Variants in PCDHGA5 observed in about 807,000 individuals in gnomAD.
PCDHGA5 encodes the protein protocadherin gamma subfamily A, 5.
PCDHGA5 carries 36 observed loss-of-function variants against 56.7 expected under a neutral mutation model. That is an observed-to-expected ratio of 0.64 (90% confidence interval 0.49 to 0.84). PCDHGA5 has a LOEUF of 0.84. PCDHGA5 is among the 40% of genes least tolerant of loss of function. PCDHGA5 has a pLI of 0.00. For synonymous variants in PCDHGA5, 563 were observed against 520.2 expected (o/e 1.08, Z -1.12); for missense variants, 1,305 against 1,201.5 (o/e 1.09, Z -1.27).
Position 141,415,348 on chromosome 5 carries a change from A to G in PCDHGA5, c.2421+48597A>G, listed in dbSNP as rs561851810. ...GGCGCACAGGCTGCGGCGCTGGCAC[A>G]AGTCACGCCTGCTGCAGGCTTCAGG... On this transcript the variant is annotated intron_variant, in intron 1 of 3. Transcript: ENST00000518069. The G allele has an allele frequency of 3.1e-6, 5 of 1,614,222 alleles. 1 individual carries two copies. The highest frequency in any genetic ancestry group is 1.6e-4 in the Middle Eastern group (1 of 6,062).
At chr5:141,424,945 C>A (rs2096849463) in intron 1 of PCDHGA5, among the ~76,000 whole-genome samples, 1 of 152,186 alleles carries the variant, frequency 6.6e-6, no homozygotes, top group Admixed American at 6.5e-5. Flanking sequence ...TCTCACATCA[C>A]TTCTAGGTAT....
At chr5:141,433,204 C>A in intron 1 of PCDHGA5, 1 of 1,566,946 alleles carries the variant, frequency 6.4e-7, no homozygotes, top group Non-Finnish European at 8.6e-7. Flanking sequence ...ATCAAATCTT[C>A]TTTCTTTTTT....
At chr5:141,419,770 G>C in intron 1 of PCDHGA5, 1 of 1,614,006 alleles carries the variant, frequency 6.2e-7, no homozygotes, top group Non-Finnish European at 8.5e-7. Context: ...ACAAGGACTC[G>C]GTCCGCCAGC....
chr5:141,478,118 G>A (rs1266841885), intron 1 of PCDHGA5: 1 of 1,613,930 alleles, frequency 6.2e-7, no homozygotes, highest in East Asian at 2.2e-5. Context: ...GTCAGTAACC[G>A]AGGACTCTCC....
At chr5:141,373,974 C>G in intron 1 of PCDHGA5, 2 of 1,051,508 alleles carry the variant, frequency 1.9e-6, no homozygotes, top group Non-Finnish European at 2.6e-6. Flanking sequence ...CGCTTCGCAT[C>G]CGGTCTCTGC....
chr5:141,448,190 C>T (rs1426828578), intron 1 of PCDHGA5, among the ~76,000 whole-genome samples: 1 of 152,118 alleles, frequency 6.6e-6, no homozygotes, highest in Non-Finnish European at 1.5e-5. Flanking sequence ...GTTATGTACA[C>T]TTACAAACAT....
Position 141,365,379 on chromosome 5 carries a change from CCT to C in PCDHGA5, c.1054_1055del (p.Leu352AspfsTer6). 3.1e-6 allele frequency: 5 copies of C among 1,613,964 alleles called. No individual in the cohort carries two copies. Among genetic ancestry groups the C allele is most frequent in the Non-Finnish European group, 4.2e-6 (5 of 1,179,888 alleles). On this transcript the variant is annotated frameshift_variant, in exon 1 of 4. Transcript: ENST00000518069. LOFTEE classifies it high-confidence loss of function. ...GACAATGCCCCCGAAGTGATCCTCA[CCT>C]CTCTGACCAGTTCGATCTCTGAAGA...
Position 141,365,449 on chromosome 5 carries a change from T to A in PCDHGA5, c.1119T>A (p.Asp373Glu). 1.2e-6 allele frequency: 2 copies of A among 1,614,052 alleles called. No homozygotes were observed. The highest frequency in any genetic ancestry group is 1.7e-6 in the Non-Finnish European group (2 of 1,179,906). Residue 373 changes from aspartate (D) to glutamate (E), a missense_variant, in exon 1 of 4, where the codon GAT becomes GAA. By Grantham distance (45) the Asp-to-Glu change is conservative (BLOSUM62 2). Transcript: ENST00000518069. The stretch of plus-strand genomic sequence containing the variant: ...TAATCGCGCTGTTTAGCGTACATGA[T>A]GGTGATTCTGGAGAAAATGGTGAGA... ...GTVIALFSVH[D>E]GDSGENGEIA... is the part of the protein sequence containing the mutation.
Position 141,423,580 on chromosome 5 carries a change from A to C in PCDHGA5, c.2421+56829A>C, listed in dbSNP as rs368022774. 46 of 1,613,286 alleles carry C rather than the reference A, an allele frequency of 2.9e-5. No individual in the cohort carries two copies. In the African/African-American group the frequency reaches 5.6e-4, roughly 20 times the overall value. On this transcript the variant is annotated intron_variant, in intron 1 of 3. Coordinates refer to ENST00000518069, the MANE Select transcript of PCDHGA5 (RefSeq NM_018918.3). ...TGGGGACACGCTCATCAGCCAGGAGAGCTGTGAGAAAAGCGAGCCACTCTT... is the reference window on the plus strand; with the variant it reads ...TGGGGACACGCTCATCAGCCAGGAGCGCTGTGAGAAAAGCGAGCCACTCTT...
rs2099668037 is a variant in PCDHGA5 at position 141,487,853 on chromosome 5, T to C, written c.2422-6954T>C. The C allele has an allele frequency of 1.0e-6, 1 of 984,708 alleles. No individual in the cohort carries two copies. The allele number at this position is 984,708 out of a possible 1,614,324, so 61.0% of individuals were successfully genotyped here. The stretch of plus-strand genomic sequence containing the variant: ...CCTATATCTGAGTAAGAAATGAAAG[T>C]AATTGGTGATCAAGAGCCAGGCTGT... On this transcript the variant is annotated intron_variant, in intron 1 of 3. Transcript: ENST00000518069. The surrounding 1 kb of genome is among the most constrained non-coding windows in gnomAD (Gnocchi z 5.0).
intron 1 of PCDHGA5, among the ~76,000 whole-genome samples, chr5:141,481,556 G>T (rs553126587): frequency 6.6e-6 from 1 of 152,148 alleles, no homozygotes; most frequent in African/African-American, 2.4e-5. Flanking sequence ...AGTGGCTCAC[G>T]CCTGTAATCC....
chr5:141,433,221 A>G, intron 1 of PCDHGA5: 1 of 1,475,672 alleles, frequency 6.8e-7, no homozygotes, highest in African/African-American at 1.4e-5. Context: ...TTTTTTTTTT[A>G]ATTGCTCTGT....
chr5:141,467,554 T>A (rs2099145880), intron 1 of PCDHGA5, among the ~76,000 whole-genome samples: 1 of 152,238 alleles, frequency 6.6e-6, no homozygotes. Flanking sequence ...TATATCTTTT[T>A]TCCCAAATGG....
In PCDHGA5 at chr5:141,491,633, C is replaced by T; in HGVS notation, c.2422-3174C>T. Reference sequence around the variant, plus strand: ...CTAAGACCCCTCAGCGTTCAGCAGCCCACAGCTCTGGCGCTGGAGCCTGAC... The same window carrying T: ...CTAAGACCCCTCAGCGTTCAGCAGCTCACAGCTCTGGCGCTGGAGCCTGAC... On this transcript the variant is annotated intron_variant, in intron 1 of 3. Transcript: ENST00000518069. This position sits in a 1 kb window ranked among gnomAD's most constrained non-coding sequence, Gnocchi z 6.9. 2 of 1,613,916 alleles carry T rather than the reference C, an allele frequency of 1.2e-6. No homozygotes were observed.
chr5:141,466,822 G>A (rs1396286898), intron 1 of PCDHGA5, among the ~76,000 whole-genome samples: 4 of 152,046 alleles, frequency 2.6e-5, no homozygotes. Flanking sequence ...GGTATAACAA[G>A]TTAGTATGGG....
rs2149992111 is a variant in PCDHGA5 at position 141,371,797 on chromosome 5, G to A, written c.2421+5046G>A. On this transcript the variant is annotated intron_variant, in intron 1 of 3. Transcript: ENST00000518069. ...CATGTAGCTGAGAACAATCCGCCTG[G>A]AGCCTCCATTGCGCATGTCAGAGCC... 1.9e-6 allele frequency: 3 copies of A among 1,613,898 alleles called. No homozygotes were observed. In the East Asian group the frequency reaches 6.7e-5, roughly 36 times the overall value.
In PCDHGA5 at chr5:141,490,823, A is replaced by T. The variant is rs1340589166; in HGVS notation, c.2422-3984A>T. ...CGTACCTTTGACTATGAATTGCTGC[A>T]GATGCTGCAGATTGTGGTGGGGGTT... On this transcript the variant is annotated intron_variant, in intron 1 of 3. Transcript: ENST00000518069. This position sits in a 1 kb window ranked among gnomAD's most constrained non-coding sequence, Gnocchi z 5.4. 13 of 1,613,928 alleles carry T rather than the reference A, an allele frequency of 8.1e-6. No individual in the cohort carries two copies. Among genetic ancestry groups the T allele is most frequent in the Non-Finnish European group, 9.3e-6 (11 of 1,179,864 alleles).
At position 141,487,667 on chromosome 5, in the gene PCDHGA5, ATATGGCTAGGCCATG is replaced by A; in HGVS notation, c.2422-7138_2422-7124del. 1.9e-6 allele frequency: 3 copies of A among 1,612,782 alleles called. No individual in the cohort carries two copies. In the South Asian group the frequency reaches 3.3e-5, roughly 18 times the overall value. ...GCTTGAGGGTTATTCTGATCCAGGC[ATATGGCTAGGCCATG>A]TCCTAGAGAGTACTGGCCTCTCAGT... On this transcript the variant is annotated intron_variant, in intron 1 of 3. Transcript: ENST00000518069. The surrounding 1 kb of genome is among the most constrained non-coding windows in gnomAD (Gnocchi z 5.0).
intron 1 of PCDHGA5, chr5:141,424,522 T>C (rs2096826398): frequency 6.6e-6 from 1 of 152,212 alleles, no homozygotes; most frequent in South Asian, 2.1e-4. Flanking sequence ...ATGTAGTAAA[T>C]CCATATATAG....
Sources: gnomAD v4.1 joint callset for allele counts (sites outside exome capture counted in the v4.1 genomes callset) on GRCh38, gnomAD v4.1.1 for gene constraint, Gnocchi (gnomAD v3.1) non-coding constraint, MANE v1.5 for transcripts, NCBI Gene and HGNC (gene_info 2026-07-23, HGNC 2026-07-21) for gene names.